The following PCBD2 variants were observed in gnomAD, a reference collection of about 807,000 sequenced individuals.
PCBD2 encodes pterin-4 alpha-carbinolamine dehydratase 2.
PCBD2 carries 12 observed loss-of-function variants against 16.4 expected under a neutral mutation model. The observed-to-expected ratio is 0.73, with a 90% CI of 0.47 to 1.19. PCBD2 has a LOEUF of 1.19. PCBD2 is among the 50% of genes most tolerant of loss of function. PCBD2 has a pLI of 0.00. For synonymous variants in PCBD2, 58 were observed against 61.8 expected, an observed-to-expected ratio of 0.94 and a Z score of 0.29; for missense variants, 138 against 156.8, an observed-to-expected ratio of 0.88 and a Z score of 0.64.
intron 2 of PCBD2, among the ~76,000 whole-genome samples, chr5:134,930,073 C>T (rs894286916): frequency 1.3e-5 from 2 of 152,176 alleles, no homozygotes; most frequent in African/African-American, 4.8e-5. Context: ...AAGGATGGGG[C>T]AACTGAAGCC....
chr5:134,909,425 G>A (rs1750738244), intron 1 of PCBD2, among the ~76,000 whole-genome samples: 1 of 152,204 alleles, frequency 6.6e-6, no homozygotes, highest in Non-Finnish European at 1.5e-5. Flanking sequence ...GATGTGACAG[G>A]AGATGGTAAT....
At chr5:134,922,551 G>A (rs766282215) in intron 2 of PCBD2, among the ~76,000 whole-genome samples, 10 of 152,130 alleles carry the variant, frequency 6.6e-5, no homozygotes, top group African/African-American at 9.7e-5. Flanking sequence ...TAACAAAGCC[G>A]ATACTGTCCT....
At chr5:134,910,310 G>T (rs774775285) in intron 1 of PCBD2, 25 bp from the exon 2 acceptor site, 1 of 1,605,142 alleles carries the variant, frequency 6.2e-7, no homozygotes, top group Non-Finnish European at 8.5e-7. Context: ...TACATTTTCA[G>T]ATATGAAATG....
At chr5:134,936,519 A>T (rs1751161472) in intron 2 of PCBD2, among the ~76,000 whole-genome samples, 1 of 152,244 alleles carries the variant, frequency 6.6e-6, no homozygotes, top group Non-Finnish European at 1.5e-5. Context: ...TGTTGGGAAG[A>T]TTCTGGGATT....
intron 2 of PCBD2, among the ~76,000 whole-genome samples, chr5:134,943,499 C>T (rs1204783712): frequency 1.3e-5 from 2 of 152,154 alleles, no homozygotes; most frequent in Admixed American, 1.3e-4. Context: ...TTTACAAATG[C>T]TCATGGTGTA....
At chr5:134,909,163 A>G (rs1750734193) in intron 1 of PCBD2, among the ~76,000 whole-genome samples, 1 of 152,216 alleles carries the variant, frequency 6.6e-6, no homozygotes, top group South Asian at 2.1e-4. Flanking sequence ...TGGCTTTGTG[A>G]ATGTCATCCC....
In PCBD2 at chr5:134,959,260, G is replaced by A. The variant is rs1445532923; in HGVS notation, c.297+140G>A. The stretch of plus-strand genomic sequence containing the variant: ...TCTCTCAGAATCCCTGTGTATTATT[G>A]CAAATTAGTAACACATTTTCAGGTC... On this transcript the variant is annotated intron_variant, in intron 3 of 3. Coordinates refer to ENST00000254908, the MANE Select transcript of PCBD2 (RefSeq NM_032151.5). The A allele has an allele frequency of 5.0e-6, 3 of 603,064 alleles. No homozygotes were observed. The African/African-American group carries it at 5.7e-5, about 11-fold the overall frequency. The allele number at this position is 603,064 out of a possible 1,614,324, so 37.4% of individuals were successfully genotyped here. A position where few individuals can be genotyped will look rare whatever the true frequency, so the allele number is the denominator to read the frequency against.
At position 134,905,240 on chromosome 5, in the gene PCBD2, C is replaced by A; in HGVS notation, c.84+17C>A. On this transcript the variant is annotated intron_variant, in intron 1 of 3. Transcript: ENST00000254908. The stretch of plus-strand genomic sequence containing the variant: ...GCGGCCATGGTGAGTGCACAGCGGC[C>A]GCGTGGGTGGGGGTCCGGGGTCGGG... 1 of 1,219,808 alleles carries A rather than the reference C, an allele frequency of 8.2e-7. No homozygotes were observed. Among genetic ancestry groups the A allele is most frequent in the Non-Finnish European group, 1.0e-6 (1 of 980,786 alleles). The allele number at this position is 1,219,808 out of a possible 1,614,324, so 75.6% of individuals were successfully genotyped here.
intron 2 of PCBD2, among the ~76,000 whole-genome samples, chr5:134,958,034 A>T (rs933860396): frequency 6.6e-6 from 1 of 152,248 alleles, no homozygotes; most frequent in African/African-American, 2.4e-5. Flanking sequence ...GGCTTGACTA[A>T]CATCATATTG....
At chr5:134,926,811 T>C (rs1021928939) in intron 2 of PCBD2, 3 of 397,954 alleles carry the variant, frequency 7.5e-6, no homozygotes, top group African/African-American at 2.1e-5. Context: ...GGTAAATATG[T>C]AGAGGGAGTA....
At chr5:134,944,923 T>C (rs1408246588) in intron 2 of PCBD2, among the ~76,000 whole-genome samples, 4 of 152,318 alleles carry the variant, frequency 2.6e-5, no homozygotes, top group Non-Finnish European at 5.9e-5. Context: ...CTTTAAATCA[T>C]TGTGTCCCAA....
At chr5:134,945,722 A>C (rs1174370504) in intron 2 of PCBD2, among the ~76,000 whole-genome samples, 1 of 152,262 alleles carries the variant, frequency 6.6e-6, no homozygotes, top group Non-Finnish European at 1.5e-5. Flanking sequence ...GCATAAAATT[A>C]CTTTATGTAT....
At chr5:134,926,636 T>C (rs1458179664) in intron 2 of PCBD2, 2 of 396,576 alleles carry the variant, frequency 5.0e-6, no homozygotes, top group Admixed American at 4.4e-5. Flanking sequence ...CACAATCTGA[T>C]GTTTTGGTTA....
chr5:134,905,721 C>G lies in PCBD2; in HGVS notation c.84+498C>G, dbSNP rs75344695. On this transcript the variant is annotated intron_variant, in intron 1 of 3. Transcript: ENST00000254908. ...GACTTTTCTTTCCTTTTCCAAGGGG[C>G]CGTCAGTTTTCCTGCTGTAGAAATT... 3.4e-3 allele frequency: 516 copies of G among 153,090 alleles called. 8 individuals carry two copies. The East Asian group carries it at 0.038, about 11-fold the overall frequency. 9.5% of individuals were successfully genotyped at this position (153,090 alleles called of 1,614,324 possible). A position where few individuals can be genotyped will look rare whatever the true frequency, so the allele number is the denominator to read the frequency against.
chr5:134,959,219 A>C, intron 3 of PCBD2, 99 bp downstream of exon 3: 1 of 860,474 alleles, frequency 1.2e-6, no homozygotes, highest in Non-Finnish European at 1.8e-6. Flanking sequence ...ATTGTACTTA[A>C]GAAAGTCTTA....
intron 2 of PCBD2, among the ~76,000 whole-genome samples, chr5:134,912,527 C>G (rs1319699333): frequency 1.3e-5 from 2 of 152,076 alleles, no homozygotes; most frequent in Admixed American, 1.3e-4. Context: ...AAATGGGCAA[C>G]TCTGTCATTT....
At chr5:134,933,451 G>A (rs1237998940) in intron 2 of PCBD2, among the ~76,000 whole-genome samples, 1 of 152,070 alleles carries the variant, frequency 6.6e-6, no homozygotes, top group Admixed American at 6.6e-5. Flanking sequence ...GCGCAGGCTG[G>A]TCTTGAACTC....
rs73790734 is a variant in PCBD2 at position 134,927,516 on chromosome 5, A to C, written c.216+17050A>C. 5.9e-3 allele frequency: 2,360 copies of C among 397,812 alleles called. 46 individuals are homozygous for C. Among genetic ancestry groups the C allele is most frequent in the African/African-American group, 0.045 (2,157 of 48,384 alleles). The allele number at this position is 397,812 out of a possible 1,614,324, so 24.6% of individuals were successfully genotyped here. ...AGTAAGAGTGAGTAATAGAATATTC[A>C]GTGAGCCTAGGGTGTTGTGGGTGTA... is the stretch of plus-strand genomic sequence containing the variant. On this transcript the variant is annotated intron_variant, in intron 2 of 3. Transcript: ENST00000254908.
intron 2 of PCBD2, chr5:134,925,476 G>A (rs933138154): frequency 7.5e-6 from 3 of 398,458 alleles, no homozygotes; most frequent in Admixed American, 4.4e-5. Flanking sequence ...GGGTACAGAT[G>A]TGCAGGAATG....
Sources: gnomAD v4.1 joint callset for allele counts (sites outside exome capture counted in the v4.1 genomes callset) on GRCh38, gnomAD v4.1.1 for gene constraint, MANE v1.5 for transcripts, NCBI Gene and HGNC (gene_info 2026-07-23, HGNC 2026-07-21) for gene names.